The following CEP83 variants were observed in gnomAD, a reference collection of about 807,000 sequenced individuals.
CEP83 encodes the protein centrosomal protein 83.
In CEP83, 70 loss-of-function variants were observed where a neutral mutation model predicts 101.9. That is an observed-to-expected ratio of 0.69 (90% CI 0.57 to 0.84). The LOEUF (loss-of-function observed/expected upper bound fraction) is 0.84. CEP83 is among the 40% of genes least tolerant of loss of function. The pLI is 0.00. For synonymous variants in CEP83, 264 were observed against 267.9 expected (o/e 0.99, Z 0.14); for missense variants, 715 against 787.2 (o/e 0.91, Z 1.10).
chr12:94,445,818 A>G (rs2066757732), intron 1 of CEP83, among the ~76,000 whole-genome samples: 1 of 152,194 alleles, frequency 6.6e-6, no homozygotes, highest in Admixed American at 6.5e-5. Context: ...AGGAATGAGT[A>G]TGGGTGTGTA....
At position 94,411,911 on chromosome 12, in the gene CEP83, T is replaced by C. The variant is rs554146876; in HGVS notation, c.174-64A>G. On this transcript the variant is annotated intron_variant, in intron 3 of 16. Coordinates refer to ENST00000397809, the MANE Select transcript of CEP83 (RefSeq NM_016122.3). ...CTTTCTTTCTAATTGCATTACTTTA[T>C]GTAAAGTCAATCAACACCACAGAAA... The C allele has an allele frequency of 1.3e-5, 17 of 1,324,122 alleles. No individual in the cohort carries two copies. The South Asian group carries it at 1.8e-4, about 14-fold the overall frequency. 82.0% of individuals were successfully genotyped at this position (1,324,122 alleles called of 1,614,324 possible).
At chr12:94,453,239 T>C (rs1427774616) in intron 1 of CEP83, among the ~76,000 whole-genome samples, 1 of 152,206 alleles carries the variant, frequency 6.6e-6, no homozygotes, top group African/African-American at 2.4e-5. Context: ...AGGAACCTCA[T>C]CTATACCTGG....
At chr12:94,364,818 G>A (rs188092250) in intron 11 of CEP83, among the ~76,000 whole-genome samples, 3 of 152,192 alleles carry the variant, frequency 2.0e-5, no homozygotes, top group East Asian at 1.9e-4. Flanking sequence ...CAATCAATTA[G>A]CCATTTAGAA....
intron 6 of CEP83, among the ~76,000 whole-genome samples, chr12:94,384,370 T>C (rs1026281791): frequency 1.3e-5 from 2 of 152,168 alleles, no homozygotes; most frequent in Admixed American, 1.3e-4. Flanking sequence ...GATTTTCCTA[T>C]AGTTTTTTTT....
chr12:94,272,516 G>C, the CEP83 span: 1 of 152,370 alleles, frequency 6.6e-6, no homozygotes, highest in African/African-American at 2.4e-5. Flanking sequence ...CAAGAGGCCA[G>C]CTCTGGGTCA....
the CEP83 span, among the ~76,000 whole-genome samples, chr12:94,291,499 G>A: frequency 6.6e-6 from 1 of 152,146 alleles, no homozygotes; most frequent in Non-Finnish European, 1.5e-5. Context: ...CCAAAGAGCT[G>A]GGATTACAGT....
At chr12:94,416,740 T>C (rs150914724) in intron 2 of CEP83, among the ~76,000 whole-genome samples, 1 of 152,192 alleles carries the variant, frequency 6.6e-6, no homozygotes, top group African/African-American at 2.4e-5. Flanking sequence ...TAAAGCTCAA[T>C]GATCCTGCAA....
intron 2 of CEP83, chr12:94,424,292 T>A: frequency 2.5e-6 from 4 of 1,614,224 alleles, no homozygotes; most frequent in Middle Eastern, 1.7e-4. Flanking sequence ...TCCTTGGTTC[T>A]GTCGTTTCTT....
chr12:94,288,651 G>C, the CEP83 span, among the ~76,000 whole-genome samples: 1 of 152,190 alleles, frequency 6.6e-6, no homozygotes, highest in Non-Finnish European at 1.5e-5. Context: ...GTGAACCCCT[G>C]TGCTGAAGGA....
intron 2 of CEP83, among the ~76,000 whole-genome samples, chr12:94,419,748 AAG>A (rs1156272468): frequency 1.3e-5 from 2 of 152,236 alleles, no homozygotes; most frequent in African/African-American, 4.8e-5. Context: ...CCGTAAGGAG[AAG>A]AGAGTCTTCA....
In CEP83 at chr12:94,333,469, G is replaced by A. The variant is rs1161415913; in HGVS notation, c.1577+13C>T. The A allele has an allele frequency of 3.0e-5, 49 of 1,609,208 alleles. No homozygotes were observed. The highest frequency in any genetic ancestry group is 4.2e-5 in the Non-Finnish European group (49 of 1,178,218). On this transcript the variant is annotated intron_variant, in intron 13 of 16. Coordinates refer to ENST00000397809, the MANE Select transcript of CEP83 (RefSeq NM_016122.3). ...AAAGAAAAAATAGTTTGTACATAAAGAGCAAACTCTACTTTTCAGCTTCTA... is the reference window on the plus strand; with the variant it reads ...AAAGAAAAAATAGTTTGTACATAAAAAGCAAACTCTACTTTTCAGCTTCTA...
chr12:94,422,377 T>C (rs372504760), intron 2 of CEP83, among the ~76,000 whole-genome samples: 80 of 152,362 alleles, frequency 5.3e-4, no homozygotes, highest in African/African-American at 1.9e-3. Context: ...TATCATAGTG[T>C]TGATTTCCGC....
chr12:94,308,583 C>A lies in CEP83; in HGVS notation c.*230G>T. ...TCCTTTTTGTTTTACATTCTCAAACCATTGTCAAATATTCTAAATATCTCT... is the reference window on the plus strand; with the variant it reads ...TCCTTTTTGTTTTACATTCTCAAACAATTGTCAAATATTCTAAATATCTCT... On this transcript the variant is annotated 3_prime_UTR_variant, in exon 17 of 17. Transcript: ENST00000397809. The A allele has an allele frequency of 3.3e-6, 1 of 301,636 alleles. No individual in the cohort carries two copies. The highest frequency in any genetic ancestry group is 5.8e-5 in the East Asian group (1 of 17,248). The allele number at this position is 301,636 out of a possible 1,614,324, so 18.7% of individuals were successfully genotyped here.
Position 94,411,663 on chromosome 12 carries a change from T to C in CEP83, c.324+34A>G, listed in dbSNP as rs181506163. 425 of 1,545,722 alleles carry C rather than the reference T, an allele frequency of 2.7e-4. 3 individuals are homozygous for C. In the African/African-American group the frequency reaches 5.4e-3, roughly 20 times the overall value. On this transcript the variant is annotated intron_variant, in intron 4 of 16. Coordinates refer to ENST00000397809, the MANE Select transcript of CEP83 (RefSeq NM_016122.3). ...CTTCCACTACGTATCTGACTGCTTTTATACTAACTCAAAACTCAAATATAT... is the reference window on the plus strand; with the variant it reads ...CTTCCACTACGTATCTGACTGCTTTCATACTAACTCAAAACTCAAATATAT...
the CEP83 span, chr12:94,294,495 G>A: frequency 3.1e-6 from 4 of 1,308,304 alleles, no homozygotes; most frequent in Admixed American, 1.7e-5. Flanking sequence ...GATATCAAAT[G>A]GATCCACTAT....
chr12:94,401,005 T>C (rs1485602298), intron 5 of CEP83, 24 bp from the exon 6 acceptor site: 5 of 1,298,186 alleles, frequency 3.9e-6, no homozygotes, highest in Admixed American at 2.9e-5. Flanking sequence ...GCATTTATCA[T>C]AGATTTATAA....
chr12:94,366,468 G>C (rs2061033473), intron 11 of CEP83, among the ~76,000 whole-genome samples: 1 of 152,008 alleles, frequency 6.6e-6, no homozygotes, highest in Non-Finnish European at 1.5e-5. Context: ...TTATATTTTA[G>C]GACTGAGGAA....
chr12:94,291,510 CAT>C, the CEP83 span, among the ~76,000 whole-genome samples: 2 of 152,188 alleles, frequency 1.3e-5, no homozygotes, highest in African/African-American at 4.8e-5. Flanking sequence ...GGATTACAGT[CAT>C]GAACCACTGT....
intron 2 of CEP83, among the ~76,000 whole-genome samples, chr12:94,434,388 T>C (rs967751405): frequency 6.6e-6 from 1 of 152,232 alleles, no homozygotes; most frequent in Non-Finnish European, 1.5e-5. Context: ...TAGGTTACAA[T>C]GACACCTTGT....
Sources: gnomAD v4.1 joint callset for allele counts (sites outside exome capture counted in the v4.1 genomes callset) on GRCh38, gnomAD v4.1.1 for gene constraint, MANE v1.5 for transcripts, NCBI Gene and HGNC (gene_info 2026-07-23, HGNC 2026-07-21) for gene names.